DUS2: variants seen among roughly 807,000 people sequenced by gnomAD.
The protein encoded by DUS2 is dihydrouridine synthase 2, also known as tRNA-dihydrouridine(20) synthase [NAD(P)+]-like.
DUS2 carries 52 observed loss-of-function variants against 71.3 expected under a neutral mutation model. The ratio of observed to expected loss-of-function variants is 0.73; its 90% confidence interval spans 0.58 to 0.92. The LOEUF (loss-of-function observed/expected upper bound fraction) is 0.92, where lower values mean the gene tolerates loss of function less well. Among genes scored for constraint, DUS2 ranks in the 40% least tolerant of loss-of-function variants. The pLI is 0.00. For missense variants in DUS2, 558 were observed against 622.6 expected, an observed-to-expected ratio of 0.90 and a Z score of 1.10; for synonymous variants, 204 against 227.8, an observed-to-expected ratio of 0.90 and a Z score of 0.94.
chr16:68,030,010 T>C (rs1043103529), intron 2 of DUS2, among the ~76,000 whole-genome samples: 2 of 151,278 alleles, frequency 1.3e-5, no homozygotes, highest in Non-Finnish European at 2.9e-5. Context: ...CCTCCCAAAG[T>C]GCTGGGATTA....
chr16:68,053,853 G>T lies in DUS2; in HGVS notation c.264+198G>T, dbSNP rs903558399. 5.2e-6 allele frequency: 3 copies of T among 572,788 alleles called. No individual in the cohort carries two copies. In the East Asian group the frequency reaches 8.6e-5, roughly 16 times the overall value. 35.5% of individuals were successfully genotyped at this position (572,788 alleles called of 1,614,324 possible). A position where few individuals can be genotyped will look rare whatever the true frequency, so the allele number is the denominator to read the frequency against. ...ATTGGAGACAGTTTATGGAAATCAA[G>T]CTATCACAGTCTTATATGTCTCTAG... On this transcript the variant is annotated intron_variant, in intron 5 of 16. Coordinates refer to ENST00000565263, the MANE Select transcript of DUS2 (RefSeq NM_017803.5).
chr16:68,066,325 C>T lies in DUS2; in HGVS notation c.426C>T (p.Ser142=). Residue 142 remains serine, a synonymous_variant, in exon 9 of 17, where the codon AGC becomes AGT. Transcript: ENST00000565263. ...TGTTTTCCTTTCTGCAGATCCTCAG[C>T]ACTCTTGTTAAAGGGACACGCAGAC... The part of the protein sequence containing the change: ...SDPDKIEKIL[S]TLVKGTRRPV... The T allele has an allele frequency of 6.2e-7, 1 of 1,614,126 alleles. No homozygotes were observed. Among genetic ancestry groups the T allele is most frequent in the Non-Finnish European group, 8.5e-7 (1 of 1,179,986 alleles).
At chr16:68,023,460 C>T in intron 1 of DUS2, 109 bp downstream of exon 1, 1 of 534,114 alleles carries the variant, frequency 1.9e-6, no homozygotes, top group Non-Finnish European at 3.4e-6. Context: ...GGCAGTGGGG[C>T]CTTGACCCAA....
intron 10 of DUS2, among the ~76,000 whole-genome samples, chr16:68,069,564 C>T (rs2034055583): frequency 1.3e-5 from 2 of 152,210 alleles, no homozygotes; most frequent in African/African-American, 4.8e-5. Context: ...GAAGGAGGGG[C>T]CCCAGGTTGT....
intron 2 of DUS2, among the ~76,000 whole-genome samples, chr16:68,033,198 T>C (rs1446921577): frequency 6.6e-6 from 1 of 152,154 alleles, no homozygotes; most frequent in East Asian, 1.9e-4. Context: ...GGGGCTGTGC[T>C]AAAGTCCTGG....
intron 8 of DUS2, among the ~76,000 whole-genome samples, chr16:68,063,056 A>AC (rs2033962154): frequency 6.6e-6 from 1 of 152,164 alleles, no homozygotes; most frequent in Admixed American, 6.5e-5. Context: ...CTCTTCTCAG[A>AC]CCCAGGCTGT....
At chr16:68,038,868 G>A (rs941413755) in intron 3 of DUS2, among the ~76,000 whole-genome samples, 1 of 151,394 alleles carries the variant, frequency 6.6e-6, no homozygotes, top group Non-Finnish European at 1.5e-5. Context: ...GGGCAATATA[G>A]TGAGACTCTA....
chr16:68,039,710 C>T (rs58529391), intron 3 of DUS2, among the ~76,000 whole-genome samples: 9 of 151,658 alleles, frequency 5.9e-5, no homozygotes, highest in East Asian at 1.9e-4. Flanking sequence ...TGTGAGCCAC[C>T]GTGCCTGGCC....
At chr16:68,039,741 C>G (rs1208497702) in intron 3 of DUS2, among the ~76,000 whole-genome samples, 1 of 151,004 alleles carries the variant, frequency 6.6e-6, no homozygotes, top group African/African-American at 2.4e-5. Context: ...TGAAAAAAAG[C>G]AAGGAAGGGA....
intron 2 of DUS2, among the ~76,000 whole-genome samples, chr16:68,030,422 C>A (rs182814663): frequency 4.6e-5 from 7 of 151,816 alleles, no homozygotes; most frequent in Non-Finnish European, 8.8e-5. Flanking sequence ...GGTGAAACCC[C>A]GTCTCTACTG....
At chr16:68,071,156 C>T in intron 12 of DUS2, 48 bp downstream of exon 12, 2 of 1,602,760 alleles carry the variant, frequency 1.2e-6, no homozygotes, top group Non-Finnish European at 1.7e-6. Context: ...CTGTCTACCA[C>T]ACTCCTGCAG....
chr16:68,074,513 T>G lies in DUS2; in HGVS notation c.932+358T>G, dbSNP rs143677259. Among the ~76,000 whole-genome samples the G allele has an allele frequency of 2.8e-3, 434 of 152,342 alleles. 3 individuals are homozygous for G. The highest frequency in any genetic ancestry group is 4.6e-3 in the Non-Finnish European group (316 of 68,024). On this transcript the variant is annotated intron_variant, in intron 13 of 16. Transcript: ENST00000565263. The stretch of plus-strand genomic sequence containing the variant: ...TACCTTGAGCCTGCACTCACATCCA[T>G]CACCCTGCAGTTTGAGAGACCACCT...
chr16:68,041,964 G>A (rs1265751330), intron 3 of DUS2, among the ~76,000 whole-genome samples: 1 of 152,042 alleles, frequency 6.6e-6, no homozygotes, highest in African/African-American at 2.4e-5. Context: ...ACAGACCTCC[G>A]GAACTTTTTC....
At chr16:68,073,733 G>A (rs2034118471) in intron 12 of DUS2, among the ~76,000 whole-genome samples, 2 of 152,032 alleles carry the variant, frequency 1.3e-5, no homozygotes, top group South Asian at 4.1e-4. Flanking sequence ...ACAGGCGTGA[G>A]CCACCGTGCC....
At chr16:68,065,904 C>T (rs998615171) in intron 8 of DUS2, among the ~76,000 whole-genome samples, 3 of 151,786 alleles carry the variant, frequency 2.0e-5, no homozygotes, top group African/African-American at 7.3e-5. Context: ...TGAAAACACA[C>T]ATTCCTAAGC....
At chr16:68,047,935 C>T (rs901324095) in intron 3 of DUS2, among the ~76,000 whole-genome samples, 7 of 152,018 alleles carry the variant, frequency 4.6e-5, no homozygotes, top group African/African-American at 1.7e-4. Context: ...CACATGCCAC[C>T]ACGCCCGGCT....
At chr16:68,047,783 GTT>G (rs36087080) in intron 3 of DUS2, among the ~76,000 whole-genome samples, 14,116 of 137,450 alleles carry the variant, frequency 0.1, 1,246 homozygotes, top group African/African-American at 0.25. Flanking sequence ...GTGCTGGCGT[GTT>G]TTTTTTTTTT....
intron 7 of DUS2, among the ~76,000 whole-genome samples, chr16:68,057,860 A>C (rs936921486): frequency 1.4e-5 from 2 of 141,470 alleles, no homozygotes; most frequent in Non-Finnish European, 3.0e-5. Flanking sequence ...AGCCTGGGTG[A>C]CAAGAGCGAA....
At chr16:68,049,650 C>A in intron 4 of DUS2, 100 bp downstream of exon 4, 1 of 1,093,582 alleles carries the variant, frequency 9.1e-7, no homozygotes. Context: ...TGCCTGGCTT[C>A]ATTGAGTAAT....
Sources: gnomAD v4.1 joint callset for allele counts (sites outside exome capture counted in the v4.1 genomes callset) on GRCh38, gnomAD v4.1.1 for gene constraint, MANE v1.5 for transcripts, NCBI Gene and HGNC (gene_info 2026-07-23, HGNC 2026-07-21) for gene names.